Variants in SUSD4 observed in about 807,000 individuals in gnomAD.
SUSD4 encodes the protein sushi domain containing 4, also known as sushi domain-containing protein 4.
Under a neutral mutation model 50.5 loss-of-function variants are expected in SUSD4, and 41 were observed. That is an observed-to-expected ratio of 0.81 (90% CI 0.63 to 1.05). The LOEUF (loss-of-function observed/expected upper bound fraction) is 1.05, where lower values mean the gene tolerates loss of function less well. Ranked by LOEUF, SUSD4 falls within the 50% of genes least tolerant of loss-of-function variation. SUSD4 has a pLI of 0.00. For synonymous variants in SUSD4, 257 were observed against 257.3 expected (o/e 1.00, Z 0.01); for missense variants, 580 against 634.7 (o/e 0.91, Z 0.93).
At chr1:223,296,886 C>T (rs1352752755) in intron 2 of SUSD4, among the ~76,000 whole-genome samples, 3 of 152,258 alleles carry the variant, frequency 2.0e-5, no homozygotes, top group Admixed American at 6.5e-5. Flanking sequence ...GAGGCCACCC[C>T]GGTCCTGTGG....
chr1:223,323,886 G>A (rs926414986), intron 2 of SUSD4, among the ~76,000 whole-genome samples: 1 of 151,904 alleles, frequency 6.6e-6, no homozygotes, highest in African/African-American at 2.4e-5. Flanking sequence ...AACCCAGATA[G>A]AAAGTCTGAA....
chr1:223,316,735 A>C (rs1666211754), intron 2 of SUSD4, among the ~76,000 whole-genome samples: 1 of 152,166 alleles, frequency 6.6e-6, no homozygotes, highest in African/African-American at 2.4e-5. Context: ...AGAGGCTCAG[A>C]GAAGTCAAGT....
chr1:223,280,785 T>G (rs1483091606), intron 3 of SUSD4, among the ~76,000 whole-genome samples: 1 of 152,156 alleles, frequency 6.6e-6, no homozygotes, highest in East Asian at 1.9e-4. Context: ...AGAATATACA[T>G]TCTTTTCAGC....
At chr1:223,306,777 G>A (rs1432189241) in intron 2 of SUSD4, among the ~76,000 whole-genome samples, 1 of 152,110 alleles carries the variant, frequency 6.6e-6, no homozygotes, top group Non-Finnish European at 1.5e-5. Context: ...ACAGGCATAA[G>A]CCACCAGATA....
chr1:223,362,313 GT>G (rs1486440180), intron 2 of SUSD4, among the ~76,000 whole-genome samples: 21 of 152,118 alleles, frequency 1.4e-4, no homozygotes, highest in Non-Finnish European at 5.9e-5. Context: ...CGCTAAAATG[GT>G]TTATTTACAT....
At chr1:223,347,538 G>A (rs1210212858) in intron 2 of SUSD4, among the ~76,000 whole-genome samples, 1 of 149,250 alleles carries the variant, frequency 6.7e-6, no homozygotes, top group African/African-American at 2.5e-5. Flanking sequence ...TCACTTCCCA[G>A]CTAAATAAAT....
chr1:223,319,525 G>A (rs892115450), intron 2 of SUSD4, among the ~76,000 whole-genome samples: 1 of 152,150 alleles, frequency 6.6e-6, no homozygotes, highest in Non-Finnish European at 1.5e-5. Context: ...CAGCAGGCTG[G>A]GTTAATAACC....
Position 223,229,401 on chromosome 1 carries a change from G to C in SUSD4, c.725-13C>G, listed in dbSNP as rs1362428198. On this transcript the variant is annotated splice_polypyrimidine_tract_variant and intron_variant, in intron 5 of 8. Coordinates refer to ENST00000366878, the MANE Select transcript of SUSD4 (RefSeq NM_017982.4). This position sits in a 1 kb window ranked among gnomAD's most constrained non-coding sequence, Gnocchi z 4.7. ...GGTAGTGGACAGACTTGGGCAGTAG[G>C]GGAGAATAAAAGTTTCAGAACCACA... 3.8e-6 allele frequency: 6 copies of C among 1,573,506 alleles called. No homozygotes were observed. In the Middle Eastern group the frequency reaches 9.0e-4, roughly 235 times the overall value.
intron 2 of SUSD4, among the ~76,000 whole-genome samples, chr1:223,329,597 T>G (rs1350142891): frequency 1.3e-5 from 2 of 152,238 alleles, no homozygotes; most frequent in Non-Finnish European, 2.9e-5. Flanking sequence ...TGGCTCTGCA[T>G]CCCTAAAGTT....
In SUSD4 at chr1:223,354,050, A is replaced by C. The variant is rs750717726; in HGVS notation, c.148+9228T>G. On this transcript the variant is annotated intron_variant, in intron 2 of 8. Transcript: ENST00000366878. The stretch of plus-strand genomic sequence containing the variant: ...TTGTCTCAAGAAAAAAAAAAAAAGA[A>C]AGTAGCAAAAAGAAAAGGTTCTGAC... 7.5e-4 allele frequency among the ~76,000 whole-genome samples: 114 copies of C among 151,812 alleles called. 1 individual carries two copies. Among genetic ancestry groups the C allele is most frequent in the Non-Finnish European group, 1.0e-3 (70 of 67,960 alleles).
intron 5 of SUSD4, chr1:223,263,985 A>C (rs2103072327): frequency 1.0e-6 from 1 of 985,444 alleles, no homozygotes. Flanking sequence ...ATCTGAGTTA[A>C]AGCAAGAGCT....
chr1:223,283,274 T>G (rs1420949452), intron 3 of SUSD4, among the ~76,000 whole-genome samples: 1 of 152,094 alleles, frequency 6.6e-6, no homozygotes, highest in Non-Finnish European at 1.5e-5. Flanking sequence ...CAAAAGAAAC[T>G]ACCATCAGAG....
Position 223,284,206 on chromosome 1 carries a change from T to A in SUSD4, c.361+8233A>T, listed in dbSNP as rs148502996. Among the ~76,000 whole-genome samples, 178 of 152,284 alleles carry A rather than the reference T, an allele frequency of 1.2e-3. 1 individual carries two copies. The highest frequency in any genetic ancestry group is 1.8e-3 in the Non-Finnish European group (122 of 68,036). On this transcript the variant is annotated intron_variant, in intron 3 of 8. Coordinates refer to ENST00000366878, the MANE Select transcript of SUSD4 (RefSeq NM_017982.4). ...GTAACAAACCTGCACATTGCGCACA[T>A]GTACCCTAGAACTTAAAGTATAATA...
At chr1:223,345,136 T>G (rs2103310747) in intron 2 of SUSD4, among the ~76,000 whole-genome samples, 1 of 152,330 alleles carries the variant, frequency 6.6e-6, no homozygotes, top group South Asian at 2.1e-4. Flanking sequence ...TAACTTACAT[T>G]GAAGTGGTGC....
intron 3 of SUSD4, among the ~76,000 whole-genome samples, chr1:223,273,848 G>A (rs988249352): frequency 1.3e-5 from 2 of 152,184 alleles, no homozygotes; most frequent in Non-Finnish European, 2.9e-5. Context: ...CATGTCTGGT[G>A]ACTCCTGAAC....
At chr1:223,341,661 C>T (rs983577504) in intron 2 of SUSD4, among the ~76,000 whole-genome samples, 1 of 152,194 alleles carries the variant, frequency 6.6e-6, no homozygotes, top group Admixed American at 6.5e-5. Context: ...ATCAGCATGG[C>T]TCCCCCATGC....
rs528921761 is a variant in SUSD4 at position 223,293,409 on chromosome 1, C to T, written c.149-758G>A. On this transcript the variant is annotated intron_variant, in intron 2 of 8. Transcript: ENST00000366878. Reference sequence around the variant, plus strand: ...CAGCTGCCTCTCATCCCAGGCTGTGCGCCCTCCAAGAACAAGTCCTATGAC... The same window carrying T: ...CAGCTGCCTCTCATCCCAGGCTGTGTGCCCTCCAAGAACAAGTCCTATGAC... 4.1e-4 allele frequency among the ~76,000 whole-genome samples: 63 copies of T among 152,298 alleles called. No homozygotes were observed. In the South Asian group the frequency reaches 7.7e-3, roughly 19 times the overall value.
chr1:223,234,867 C>T, intron 5 of SUSD4: 1 of 1,454,854 alleles, frequency 6.9e-7, no homozygotes, highest in Non-Finnish European at 9.1e-7. Context: ...GATGCACTAA[C>T]AGGTGTGCAG....
In SUSD4 at chr1:223,338,977, C is replaced by T. The variant is rs899133272; in HGVS notation, c.148+24301G>A. Among the ~76,000 whole-genome samples the T allele has an allele frequency of 2.6e-5, 4 of 152,018 alleles. No homozygotes were observed. In the East Asian group the frequency reaches 7.7e-4, roughly 29 times the overall value. ...CAACTCACAAGGGGAGATGAGGTCA[C>T]GTGGGAAGACTGTGTGGTGAGAGAT... is the stretch of plus-strand genomic sequence containing the variant. On this transcript the variant is annotated intron_variant, in intron 2 of 8. Transcript: ENST00000366878.
Sources: gnomAD v4.1 joint callset for allele counts (sites outside exome capture counted in the v4.1 genomes callset) on GRCh38, gnomAD v4.1.1 for gene constraint, Gnocchi (gnomAD v3.1) non-coding constraint, MANE v1.5 for transcripts, NCBI Gene and HGNC (gene_info 2026-07-23, HGNC 2026-07-21) for gene names.